Variants in NEGR1 observed in about 807,000 individuals in gnomAD.
The protein encoded by NEGR1 is neuronal growth regulator 1.
A neutral mutation model predicts 40.9 loss-of-function variants in NEGR1; 10 were observed. The observed-to-expected ratio is 0.24, with a 90% CI of 0.15 to 0.42. The LOEUF is 0.42. NEGR1 is among the 10% of genes least tolerant of loss of function. The probability of loss-of-function intolerance (pLI) is 1.00; values close to 1 mark genes in which losing one functional copy is unlikely to be tolerated. For missense variants in NEGR1, 352 were observed against 438.9 expected (o/e 0.80, Z 1.77); for synonymous variants, 185 against 166.8 (o/e 1.11, Z -0.84).
intron 1 of NEGR1, among the ~76,000 whole-genome samples, chr1:71,990,260 G>A (rs1412113411): frequency 6.6e-6 from 1 of 152,060 alleles, no homozygotes; most frequent in Non-Finnish European, 1.5e-5. Context: ...TGACTCCCCA[G>A]AACGCTTCAA....
At chr1:71,545,910 T>A (rs1156789478) in intron 6 of NEGR1, among the ~76,000 whole-genome samples, 6 of 151,814 alleles carry the variant, frequency 4.0e-5, no homozygotes, top group Admixed American at 3.9e-4. Context: ...TTCCTCTCTG[T>A]AAAATTAGCA....
At chr1:71,942,538 G>T (rs1205812160) in intron 1 of NEGR1, among the ~76,000 whole-genome samples, 1 of 82,524 alleles carries the variant, frequency 1.2e-5, no homozygotes, top group East Asian at 4.0e-4. Flanking sequence ...GTCTCGCTCT[G>T]TCGCCCAGGC....
At chr1:71,994,562 C>G (rs191932830) in intron 1 of NEGR1, among the ~76,000 whole-genome samples, 44 of 150,956 alleles carry the variant, frequency 2.9e-4, no homozygotes, top group African/African-American at 1.0e-3. Flanking sequence ...AAAAAAAACA[C>G]TCATCACAAA....
At chr1:71,840,091 T>C (rs887016167) in intron 2 of NEGR1, among the ~76,000 whole-genome samples, 5 of 152,166 alleles carry the variant, frequency 3.3e-5, no homozygotes, top group Non-Finnish European at 7.3e-5. Flanking sequence ...GATTTCTCTT[T>C]TTCTGTCAAT....
chr1:71,690,313 C>T (rs1008799506), intron 4 of NEGR1, among the ~76,000 whole-genome samples: 1 of 151,810 alleles, frequency 6.6e-6, no homozygotes. Context: ...TCTTGCTTCA[C>T]GTACTGAAGC....
intron 1 of NEGR1, among the ~76,000 whole-genome samples, chr1:72,181,322 C>A (rs1172304814): frequency 6.6e-6 from 1 of 152,016 alleles, no homozygotes; most frequent in Non-Finnish European, 1.5e-5. Flanking sequence ...CCTGGATGGT[C>A]TTTATTCTCT....
chr1:71,427,197 T>A (rs1158678117), intron 6 of NEGR1, among the ~76,000 whole-genome samples: 1 of 152,180 alleles, frequency 6.6e-6, no homozygotes, highest in Non-Finnish European at 1.5e-5. Context: ...ACTTTCTTCT[T>A]TTCAAACACA....
intron 1 of NEGR1, among the ~76,000 whole-genome samples, chr1:72,009,525 TA>T (rs535786339): frequency 6.5e-4 from 98 of 151,194 alleles, no homozygotes; most frequent in Admixed American, 1.1e-3. Context: ...GATCTTAAGA[TA>T]AAAAAAAATA....
At chr1:71,871,965 C>T (rs1660291611) in intron 2 of NEGR1, among the ~76,000 whole-genome samples, 1 of 152,072 alleles carries the variant, frequency 6.6e-6, no homozygotes, top group African/African-American at 2.4e-5. Flanking sequence ...ATATTGTTTG[C>T]ATAGAATCAA....
chr1:71,526,794 T>C (rs545958491), intron 6 of NEGR1, among the ~76,000 whole-genome samples: 10 of 151,576 alleles, frequency 6.6e-5, no homozygotes, highest in Non-Finnish European at 1.0e-4. Context: ...GGAAGCCTAA[T>C]AATCAGCCTA....
intron 3 of NEGR1, among the ~76,000 whole-genome samples, chr1:71,769,016 A>G (rs1041946031): frequency 6.6e-6 from 1 of 151,720 alleles, no homozygotes; most frequent in Non-Finnish European, 1.5e-5. Flanking sequence ...AGAAGCTGTT[A>G]TGCCTTGCCT....
intron 1 of NEGR1, among the ~76,000 whole-genome samples, chr1:72,191,086 T>G (rs1306915438): frequency 6.6e-6 from 1 of 151,674 alleles, no homozygotes; most frequent in African/African-American, 2.4e-5. Context: ...GATTCAGTAT[T>G]GATTAATCCC....
chr1:72,131,020 C>G (rs1486810325), intron 1 of NEGR1, among the ~76,000 whole-genome samples: 1 of 152,142 alleles, frequency 6.6e-6, no homozygotes, highest in Admixed American at 6.6e-5. Flanking sequence ...TGTTATAGCA[C>G]AAAATTTCTA....
chr1:71,614,712 C>T (rs1268468004), intron 4 of NEGR1, among the ~76,000 whole-genome samples: 1 of 152,130 alleles, frequency 6.6e-6, no homozygotes, highest in Non-Finnish European at 1.5e-5. Context: ...GGGGCCATGA[C>T]TCATTATAAA....
intron 2 of NEGR1, among the ~76,000 whole-genome samples, chr1:71,897,635 G>C (rs759264736): frequency 1.1e-4 from 16 of 152,130 alleles, no homozygotes; most frequent in Non-Finnish European, 1.8e-4. Context: ...TTAAAATATA[G>C]AATGAATTTA....
intron 1 of NEGR1, among the ~76,000 whole-genome samples, chr1:72,093,884 C>T (rs1437777196): frequency 1.3e-5 from 2 of 152,114 alleles, no homozygotes; most frequent in East Asian, 1.9e-4. Context: ...GGAAGATGAA[C>T]GTCTAGCTTC....
At chr1:71,866,812 G>A (rs1353120883) in intron 2 of NEGR1, among the ~76,000 whole-genome samples, 2 of 152,158 alleles carry the variant, frequency 1.3e-5, no homozygotes, top group Non-Finnish European at 2.9e-5. Context: ...ATAGTATAAT[G>A]TGACGCTCTC....
At chr1:72,051,455 C>G (rs904171962) in intron 1 of NEGR1, among the ~76,000 whole-genome samples, 1 of 151,400 alleles carries the variant, frequency 6.6e-6, no homozygotes, top group African/African-American at 2.4e-5. Context: ...TGGTTTGGAG[C>G]AGAATAAAAT....
chr1:71,756,411 C>CAAAAAAAAAAAACCA (rs1557640509), intron 3 of NEGR1, among the ~76,000 whole-genome samples: 2 of 66,414 alleles, frequency 3.0e-5, no homozygotes, highest in Admixed American at 1.9e-4. Flanking sequence ...CAAAAACAAA[C>CAAAAAAAAAAAACCA]AAAAAAAAAA....
Sources: allele counts gnomAD v4.1 joint callset (sites outside exome capture counted in the v4.1 genomes callset), GRCh38; gene constraint gnomAD v4.1.1; transcripts MANE v1.5; gene names NCBI Gene and HGNC (gene_info 2026-07-23, HGNC 2026-07-21).